PAFAH1B1: variants seen among roughly 807,000 people sequenced by gnomAD.
The protein encoded by PAFAH1B1 is platelet activating factor acetylhydrolase 1b regulatory subunit 1.
A neutral mutation model predicts 57.5 loss-of-function variants in PAFAH1B1; 2 were observed. The ratio of observed to expected loss-of-function variants is 0.03; its 90% confidence interval spans 0.01 to 0.11. The LOEUF (loss-of-function observed/expected upper bound fraction) is 0.11. PAFAH1B1 is among the 10% of genes least tolerant of loss of function. The probability of loss-of-function intolerance (pLI) is 1.00; values close to 1 mark genes in which losing one functional copy is unlikely to be tolerated. For missense variants in PAFAH1B1, 257 were observed against 512.0 expected, an observed-to-expected ratio of 0.50 and a Z score of 4.81; for synonymous variants, 152 against 169.6, an observed-to-expected ratio of 0.90 and a Z score of 0.81.
intron 1 of PAFAH1B1, among the ~76,000 whole-genome samples, chr17:2,626,237 G>A (rs2068487433): frequency 6.6e-6 from 1 of 151,588 alleles, no homozygotes; most frequent in South Asian, 2.1e-4. Context: ...CTGGGCGACA[G>A]TGAGACTCCG....
intron 1 of PAFAH1B1, among the ~76,000 whole-genome samples, chr17:2,608,740 C>G (rs560695056): frequency 4.3e-4 from 66 of 152,334 alleles, no homozygotes; most frequent in African/African-American, 1.5e-3. Flanking sequence ...ACCTGGACAA[C>G]CGGGTGCGAC....
intron 1 of PAFAH1B1, among the ~76,000 whole-genome samples, chr17:2,616,632 A>G (rs1019327667): frequency 6.6e-6 from 1 of 152,342 alleles, no homozygotes; most frequent in African/African-American, 2.4e-5. Context: ...ATTGTATCTG[A>G]AGAAATATCT....
Position 2,679,341 on chromosome 17 carries a change from G to C in PAFAH1B1, c.1003-823G>C, listed in dbSNP as rs187927183. Among the ~76,000 whole-genome samples the C allele has an allele frequency of 1.3e-3, 204 of 151,736 alleles. 2 individuals carry two copies. The highest frequency in any genetic ancestry group is 4.7e-3 in the African/African-American group (195 of 41,422). ...CAGGGGAAATATGGATGGATAGATG[G>C]ATGGATGATTAAATGGATGGATGAT... is the stretch of plus-strand genomic sequence containing the variant. On this transcript the variant is annotated intron_variant, in intron 9 of 10. Transcript: ENST00000397195.
chr17:2,654,034 C>G (rs2068903175), intron 2 of PAFAH1B1, among the ~76,000 whole-genome samples: 1 of 151,652 alleles, frequency 6.6e-6, no homozygotes, highest in African/African-American at 2.4e-5. Flanking sequence ...GTCTCAATCT[C>G]CTGACCTGGT....
intron 1 of PAFAH1B1, among the ~76,000 whole-genome samples, chr17:2,611,287 G>A (rs1041632635): frequency 1.3e-5 from 2 of 152,138 alleles, no homozygotes; most frequent in Middle Eastern, 3.4e-3. Flanking sequence ...GACCAATATG[G>A]TGAAACCCTA....
At chr17:2,681,510 G>A (rs2151675146) in intron 10 of PAFAH1B1, 2 of 532,806 alleles carry the variant, frequency 3.8e-6, no homozygotes, top group Non-Finnish European at 6.7e-6. Context: ...CTGTCACCCA[G>A]GCTGGAGTGC....
chr17:2,634,502 A>C (rs181414485), intron 1 of PAFAH1B1, among the ~76,000 whole-genome samples: 7 of 152,318 alleles, frequency 4.6e-5, no homozygotes, highest in Admixed American at 2.0e-4. Context: ...CTGGCTGTCC[A>C]CATTGAGTCA....
intron 1 of PAFAH1B1, among the ~76,000 whole-genome samples, chr17:2,632,319 A>G (rs1218282565): frequency 2.0e-5 from 3 of 152,236 alleles, no homozygotes; most frequent in Admixed American, 6.5e-5. Context: ...CCAGATGTCC[A>G]GCCAGTGTTC....
chr17:2,646,472 G>T (rs537006103), intron 2 of PAFAH1B1, among the ~76,000 whole-genome samples: 1 of 152,174 alleles, frequency 6.6e-6, no homozygotes, highest in Non-Finnish European at 1.5e-5. Context: ...GGCCAACATG[G>T]TGAAGCCCCA....
intron 10 of PAFAH1B1, 70 bp downstream of exon 10, chr17:2,680,390 C>T (rs1022098657): frequency 1.3e-5 from 18 of 1,376,790 alleles, no homozygotes; most frequent in East Asian, 2.3e-5. Context: ...TTTACATAAT[C>T]GTGTGGACTT....
Position 2,597,403 on chromosome 17 carries a change from C to CTTTTTTTTTTTTTTTTTTTTTTTTTTTTT in PAFAH1B1, c.-191+3422_-191+3423insTTTTTTTTTTTTTTTTTTTTTTTTTTTTT, listed in dbSNP as rs1187594089. On this transcript the variant is annotated intron_variant, in intron 1 of 10. Coordinates refer to ENST00000397195, the MANE Select transcript of PAFAH1B1 (RefSeq NM_000430.4). ...GCTTTTCTAGCTAGAACATCCGTGT[C>CTTTTTTTTTTTTTTTTTTTTTTTTTTTTT]TTTTTTTTTTTTTTTTTTTTTTTTT... Among the ~76,000 whole-genome samples, 2 of 64,350 alleles carry CTTTTTTTTTTTTTTTTTTTTTTTTTTTTT rather than the reference C, an allele frequency of 3.1e-5. 1 individual carries two copies. The allele number at this position is 64,350 out of a possible 152,430, so 42.2% of individuals were successfully genotyped here. A position where few individuals can be genotyped will look rare whatever the true frequency, so the allele number is the denominator to read the frequency against.
intron 1 of PAFAH1B1, among the ~76,000 whole-genome samples, chr17:2,594,213 C>G (rs1411060318): frequency 6.6e-6 from 1 of 152,154 alleles, no homozygotes; most frequent in Admixed American, 6.5e-5. Flanking sequence ...GTGAGAGACC[C>G]GGAGGAGGGG....
chr17:2,633,660 A>G (rs1207436524), intron 1 of PAFAH1B1, among the ~76,000 whole-genome samples: 1 of 152,084 alleles, frequency 6.6e-6, no homozygotes, highest in Admixed American at 6.6e-5. Flanking sequence ...ATGTGAAACC[A>G]TTTTACTGAA....
At chr17:2,656,750 C>G (rs1190734028) in intron 2 of PAFAH1B1, among the ~76,000 whole-genome samples, 1 of 152,080 alleles carries the variant, frequency 6.6e-6, no homozygotes, top group Non-Finnish European at 1.5e-5. Flanking sequence ...AGTGGTCTTC[C>G]TTTGTTTAGT....
chr17:2,674,352 G>T, intron 8 of PAFAH1B1, 64 bp downstream of exon 8: 1 of 1,245,690 alleles, frequency 8.0e-7, no homozygotes. Flanking sequence ...AGATAACTTT[G>T]CTAATTCCCT....
At chr17:2,638,484 A>G in intron 2 of PAFAH1B1, 164 bp downstream of exon 2, 1 of 600,676 alleles carries the variant, frequency 1.7e-6, no homozygotes, top group Non-Finnish European at 3.0e-6. Flanking sequence ...CAGTCTTATT[A>G]TGATATAGCA....
chr17:2,621,038 G>A (rs550130251), intron 1 of PAFAH1B1, among the ~76,000 whole-genome samples: 24 of 152,036 alleles, frequency 1.6e-4, no homozygotes, highest in African/African-American at 5.1e-4. Context: ...TTGAAAACAA[G>A]AGTATATCTG....
At chr17:2,633,083 A>G (rs919016423) in intron 1 of PAFAH1B1, among the ~76,000 whole-genome samples, 1 of 151,544 alleles carries the variant, frequency 6.6e-6, no homozygotes, top group Admixed American at 6.6e-5. Flanking sequence ...TTGTTGTTTC[A>G]CTAGGCTTTG....
chr17:2,674,186 G>C lies in PAFAH1B1; in HGVS notation c.798G>C (p.Lys266Asn). 1.2e-6 allele frequency: 2 copies of C among 1,614,158 alleles called. No homozygotes were observed. The highest frequency in any genetic ancestry group is 1.7e-6 in the Non-Finnish European group (2 of 1,180,016). ...QTVRVWVVAT[K>N]ECKAELREHE... ...TGCGTGTATGGGTCGTAGCAACAAAGGAATGCAAGGCTGAGCTCCGAGAGC... is the reference window on the plus strand; with the variant it reads ...TGCGTGTATGGGTCGTAGCAACAAACGAATGCAAGGCTGAGCTCCGAGAGC... Residue 266 changes from lysine (K) to asparagine (N), a missense_variant, in exon 8 of 11, where the codon AAG becomes AAC. Transcript: ENST00000397195.
Sources: gnomAD v4.1 joint callset for allele counts (sites outside exome capture counted in the v4.1 genomes callset) on GRCh38, gnomAD v4.1.1 for gene constraint, MANE v1.5 for transcripts, NCBI Gene and HGNC (gene_info 2026-07-23, HGNC 2026-07-21) for gene names.